EEPD1: variants seen among roughly 807,000 people sequenced by gnomAD.
EEPD1 encodes the protein endonuclease/exonuclease/phosphatase family domain-containing protein 1.
Under a neutral mutation model 46.3 loss-of-function variants are expected in EEPD1, and 17 were observed. The observed-to-expected ratio is 0.37, with a 90% CI of 0.25 to 0.55. The LOEUF (loss-of-function observed/expected upper bound fraction) is 0.55. Among genes scored for constraint, EEPD1 ranks in the 20% least tolerant of loss-of-function variants. The pLI is 0.83. For missense variants in EEPD1, 673 were observed against 745.6 expected, an observed-to-expected ratio of 0.90 and a Z score of 1.13; for synonymous variants, 313 against 315.6, an observed-to-expected ratio of 0.99 and a Z score of 0.09.
Position 36,287,638 on chromosome 7 carries a change from G to C in EEPD1, c.1177-1G>C. The C allele has an allele frequency of 6.2e-7, 1 of 1,613,456 alleles. No homozygotes were observed. Among genetic ancestry groups the C allele is most frequent in the Non-Finnish European group, 8.5e-7 (1 of 1,179,642 alleles). ...CTGTTGCTTTGTTTCCTGCTGCCTAGGTGGGAAGTCACGACCTGACCCTTG... is the reference window on the plus strand; with the variant it reads ...CTGTTGCTTTGTTTCCTGCTGCCTACGTGGGAAGTCACGACCTGACCCTTG... On this transcript the variant is annotated splice_acceptor_variant, in intron 5 of 7. Coordinates refer to ENST00000242108, the MANE Select transcript of EEPD1 (RefSeq NM_030636.3). LOFTEE classifies it high-confidence loss of function.
At chr7:36,210,126 G>A (rs996076890) in intron 2 of EEPD1, among the ~76,000 whole-genome samples, 4 of 152,098 alleles carry the variant, frequency 2.6e-5, no homozygotes, top group Non-Finnish European at 5.9e-5. Flanking sequence ...GGAAGTGGAG[G>A]GAAGGCAGGA....
chr7:36,183,888 T>TTTTTTTTTTTTTTTG (rs3053348), intron 2 of EEPD1, among the ~76,000 whole-genome samples: 6 of 135,414 alleles, frequency 4.4e-5, no homozygotes, highest in Non-Finnish European at 8.2e-5. Flanking sequence ...TTTTTTTTTT[T>TTTTTTTTTTTTTTTG]ATTTTTAAAA....
At chr7:36,212,262 C>T (rs976913179) in intron 2 of EEPD1, among the ~76,000 whole-genome samples, 1 of 152,070 alleles carries the variant, frequency 6.6e-6, no homozygotes, top group Non-Finnish European at 1.5e-5. Flanking sequence ...AGATACATTT[C>T]TAAATTGCTG....
chr7:36,243,086 A>G (rs894812138), intron 3 of EEPD1, among the ~76,000 whole-genome samples: 2 of 152,252 alleles, frequency 1.3e-5, no homozygotes, highest in African/African-American at 2.4e-5. Flanking sequence ...TGTGGCCCAC[A>G]GACCTGCAGC....
At chr7:36,163,810 G>A (rs1784940150) in intron 2 of EEPD1, among the ~76,000 whole-genome samples, 1 of 151,718 alleles carries the variant, frequency 6.6e-6, no homozygotes, top group Non-Finnish European at 1.5e-5. Flanking sequence ...CCTGGGAGGT[G>A]GAGCTTGCAG....
chr7:36,278,509 T>TGG (rs11464758), intron 3 of EEPD1, among the ~76,000 whole-genome samples: 43 of 43,184 alleles, frequency 1.0e-3, no homozygotes, highest in South Asian at 3.6e-3. Context: ...GGGGGGGCGG[T>TGG]GGGGGGGGCG....
At chr7:36,180,526 A>G (rs1583791453) in intron 2 of EEPD1, among the ~76,000 whole-genome samples, 1 of 152,314 alleles carries the variant, frequency 6.6e-6, no homozygotes, top group East Asian at 1.9e-4. Context: ...CTGCAGTCCT[A>G]AAGCAGGGAG....
At chr7:36,283,812 G>A (rs531619572) in intron 4 of EEPD1, among the ~76,000 whole-genome samples, 14 of 152,320 alleles carry the variant, frequency 9.2e-5, no homozygotes, top group Admixed American at 3.9e-4. Flanking sequence ...GGGTGGTTGT[G>A]CAGAGTCACT....
At chr7:36,209,472 A>C (rs1785885053) in intron 2 of EEPD1, among the ~76,000 whole-genome samples, 2 of 152,112 alleles carry the variant, frequency 1.3e-5, no homozygotes, top group African/African-American at 4.8e-5. Flanking sequence ...TATTGATGAG[A>C]GATGTCTGTC....
At position 36,239,529 on chromosome 7, in the gene EEPD1, C is replaced by T. The variant is rs550051057; in HGVS notation, c.930+493C>T. On this transcript the variant is annotated intron_variant, in intron 3 of 7. Transcript: ENST00000242108. ...TTCCATTTCCAAAACCAGTACTTCTCTATTCAGTAGTCAAGTTCATGCGTT... is the reference window on the plus strand; with the variant it reads ...TTCCATTTCCAAAACCAGTACTTCTTTATTCAGTAGTCAAGTTCATGCGTT... Among the ~76,000 whole-genome samples, 4 of 152,264 alleles carry T rather than the reference C, an allele frequency of 2.6e-5. No homozygotes were observed. In the South Asian group the frequency reaches 8.3e-4, roughly 32 times the overall value.
At chr7:36,229,331 T>TG (rs1786279637) in intron 2 of EEPD1, 2 of 152,182 alleles carry the variant, frequency 1.3e-5, no homozygotes, top group African/African-American at 4.8e-5. Context: ...AAATGGTGAT[T>TG]ATACTCTGAG....
At chr7:36,215,713 G>A (rs1380526508) in intron 2 of EEPD1, among the ~76,000 whole-genome samples, 2 of 152,210 alleles carry the variant, frequency 1.3e-5, no homozygotes, top group East Asian at 1.9e-4. Context: ...TCCTTGGGGA[G>A]TAAGGGCTGG....
chr7:36,245,013 T>C (rs1473024673), intron 3 of EEPD1, among the ~76,000 whole-genome samples: 1 of 151,896 alleles, frequency 6.6e-6, no homozygotes, highest in Non-Finnish European at 1.5e-5. Context: ...TAGTATGATC[T>C]CGGCTCACTG....
intron 2 of EEPD1, among the ~76,000 whole-genome samples, chr7:36,188,470 G>A (rs1428103391): frequency 2.6e-5 from 4 of 152,176 alleles, no homozygotes; most frequent in Non-Finnish European, 4.4e-5. Flanking sequence ...TTTGATGCAT[G>A]TGTGAAACAT....
At chr7:36,234,120 T>C (rs900628754) in intron 2 of EEPD1, among the ~76,000 whole-genome samples, 1 of 152,114 alleles carries the variant, frequency 6.6e-6, no homozygotes, top group Non-Finnish European at 1.5e-5. Context: ...GGTTTCACCA[T>C]GTTGGCCAGG....
intron 3 of EEPD1, among the ~76,000 whole-genome samples, chr7:36,248,994 A>ACACAC: frequency 7.4e-6 from 1 of 135,350 alleles, no homozygotes; most frequent in Non-Finnish European, 1.6e-5. Context: ...TGGTTCATTA[A>ACACAC]ACACACACAC....
intron 2 of EEPD1, among the ~76,000 whole-genome samples, chr7:36,179,862 A>G (rs1305011455): frequency 6.6e-6 from 1 of 152,214 alleles, no homozygotes; most frequent in African/African-American, 2.4e-5. Flanking sequence ...CCTCCTCAGC[A>G]GTGTTGCTGG....
chr7:36,279,285 G>A (rs1442180788), intron 3 of EEPD1, among the ~76,000 whole-genome samples: 2 of 152,162 alleles, frequency 1.3e-5, no homozygotes, highest in African/African-American at 4.8e-5. Flanking sequence ...GCCCTGTGGA[G>A]TCCACTGCTG....
At chr7:36,189,176 C>T (rs1183472148) in intron 2 of EEPD1, among the ~76,000 whole-genome samples, 1 of 119,688 alleles carries the variant, frequency 8.4e-6, no homozygotes, top group Non-Finnish European at 1.8e-5. Context: ...ACAAGCAGAG[C>T]CCACACAAGG....
Sources: allele counts gnomAD v4.1 joint callset (sites outside exome capture counted in the v4.1 genomes callset), GRCh38; gene constraint gnomAD v4.1.1; transcripts MANE v1.5; gene names NCBI Gene and HGNC (gene_info 2026-07-23, HGNC 2026-07-21).